The following TMEM209 variants were observed in gnomAD, a reference collection of about 807,000 sequenced individuals.
The protein encoded by TMEM209 is transmembrane protein 209.
In TMEM209, 65 loss-of-function variants were observed where a neutral mutation model predicts 76.2. The ratio of observed to expected loss-of-function variants is 0.85; its 90% CI spans 0.70 to 1.05. The LOEUF is 1.05. Among genes scored for constraint, TMEM209 ranks in the 50% least tolerant of loss-of-function variants. The pLI is 0.00. For missense variants in TMEM209, 623 were observed against 685.5 expected, an observed-to-expected ratio of 0.91 and a Z score of 1.02; for synonymous variants, 239 against 237.6, an observed-to-expected ratio of 1.01 and a Z score of -0.06.
chr7:130,196,191 T>A (rs533189918), intron 5 of TMEM209, among the ~76,000 whole-genome samples: 114 of 152,302 alleles, frequency 7.5e-4, no homozygotes, highest in Middle Eastern at 3.4e-3. Flanking sequence ...GTCTATAAAG[T>A]AACTGTTTCT....
intron 14 of TMEM209, among the ~76,000 whole-genome samples, chr7:130,169,804 G>C (rs1304691424): frequency 6.6e-6 from 1 of 151,790 alleles, no homozygotes; most frequent in Non-Finnish European, 1.5e-5. Flanking sequence ...CAGGTTTTCC[G>C]ACTCCCAGAT....
chr7:130,188,890 G>A (rs1324650334), intron 6 of TMEM209, among the ~76,000 whole-genome samples: 4 of 152,032 alleles, frequency 2.6e-5, no homozygotes, highest in African/African-American at 4.8e-5. Context: ...ATATTTAAAC[G>A]GAATCTAACA....
chr7:130,175,072 T>C (rs1480785168), intron 11 of TMEM209: 1 of 152,620 alleles, frequency 6.6e-6, no homozygotes, highest in Non-Finnish European at 1.5e-5. Flanking sequence ...CTGATACTAT[T>C]ATAAATACCT....
intron 8 of TMEM209, 27 bp from the exon 9 acceptor site, chr7:130,181,746 G>T: frequency 6.4e-7 from 1 of 1,560,416 alleles, no homozygotes. Context: ...ACAGATTTTG[G>T]ATACATAATT....
At chr7:130,176,974 C>T (rs1456129104) in intron 10 of TMEM209, among the ~76,000 whole-genome samples, 2 of 150,312 alleles carry the variant, frequency 1.3e-5, no homozygotes, top group East Asian at 2.0e-4. Context: ...CTATACACTC[C>T]TGCACTAGTG....
At chr7:130,185,119 A>G in intron 7 of TMEM209, 73 bp downstream of exon 7, 1 of 1,475,846 alleles carries the variant, frequency 6.8e-7, no homozygotes, top group Admixed American at 2.3e-5. Flanking sequence ...TACAGAAAAA[A>G]TGTTCCAGAA....
intron 14 of TMEM209, among the ~76,000 whole-genome samples, chr7:130,166,949 A>C (rs896625076): frequency 6.6e-6 from 1 of 152,170 alleles, no homozygotes. Context: ...AATACATTAA[A>C]TCCTACTACA....
chr7:130,187,113 C>A (rs1170741988), intron 6 of TMEM209, among the ~76,000 whole-genome samples: 1 of 151,742 alleles, frequency 6.6e-6, no homozygotes, highest in African/African-American at 2.4e-5. Context: ...TATGGTGGTG[C>A]ATGCCTGTAA....
chr7:130,196,998 A>C (rs1474750910), intron 5 of TMEM209, among the ~76,000 whole-genome samples: 1 of 152,188 alleles, frequency 6.6e-6, no homozygotes, highest in Admixed American at 6.5e-5. Flanking sequence ...AGGCTGAGGC[A>C]GGAAGATTGC....
intron 9 of TMEM209, among the ~76,000 whole-genome samples, chr7:130,181,092 A>G (rs538873832): frequency 6.6e-6 from 1 of 152,394 alleles, no homozygotes; most frequent in Admixed American, 6.5e-5. Flanking sequence ...GAATAAGCAA[A>G]GTGTAGTAGA....
chr7:130,194,352 G>T (rs897703484), intron 5 of TMEM209, among the ~76,000 whole-genome samples: 2 of 149,562 alleles, frequency 1.3e-5, no homozygotes, highest in African/African-American at 4.9e-5. Flanking sequence ...AAAAAAAAAG[G>T]TAACTCATGG....
rs758641858 is a variant in TMEM209 at position 130,189,290 on chromosome 7, G to A, written c.775+3332C>T. Among the ~76,000 whole-genome samples the A allele has an allele frequency of 5.3e-5, 8 of 151,780 alleles. No homozygotes were observed. In the East Asian group the frequency reaches 1.2e-3, roughly 22 times the overall value. On this transcript the variant is annotated intron_variant, in intron 6 of 14. Transcript: ENST00000397622. ...CGGTTCACTGCAACCTCCGCCTCCC[G>A]GATTCAAGCGATTCTCCTGCCCCAG...
chr7:130,170,672 C>G (rs927332769), intron 13 of TMEM209, among the ~76,000 whole-genome samples, 199 bp from the exon 14 acceptor site: 6 of 152,036 alleles, frequency 3.9e-5, no homozygotes, highest in Non-Finnish European at 8.8e-5. Context: ...AGAAAGGATA[C>G]ATGTCAAGGA....
At chr7:130,201,088 C>CAAAA (rs869309249) in intron 5 of TMEM209, among the ~76,000 whole-genome samples, 5 of 74,174 alleles carry the variant, frequency 6.7e-5, no homozygotes, top group East Asian at 3.7e-4. Flanking sequence ...GACTCTGTCT[C>CAAAA]AAAAAAAAAA....
chr7:130,203,879 C>T (rs201602190), intron 2 of TMEM209, 33 bp from the exon 3 acceptor site: 9 of 1,590,310 alleles, frequency 5.7e-6, no homozygotes, highest in Non-Finnish European at 7.7e-6. Flanking sequence ...TTCCAGTGAA[C>T]CTAAAAACAC....
chr7:130,169,728 GC>G (rs1019959915), intron 14 of TMEM209, among the ~76,000 whole-genome samples: 11 of 151,722 alleles, frequency 7.3e-5, no homozygotes, highest in Non-Finnish European at 1.2e-4. Flanking sequence ...TCTGCTCCAA[GC>G]CCATCCCCCC....
At chr7:130,205,010 ACGTGCATTGT>A in intron 1 of TMEM209, 1 of 1,192,866 alleles carries the variant, frequency 8.4e-7, no homozygotes, top group South Asian at 2.3e-5. Context: ...AGAGGGGAAA[ACGTGCATTGT>A]TTTGGTCCAC....
chr7:130,201,875 T>C lies in TMEM209; in HGVS notation c.548A>G (p.Tyr183Cys), dbSNP rs762862113. ...CTTATTATAACCACTGACGGGCGAG[T>C]AGGTCACTCCAGGGCTATAAGAACC... ...GSGSYSPGVT[Y>C]SPVSGYNKLA... The change falls in exon 5 of 15, where the codon TAC becomes TGC. Residue 183 changes from tyrosine to cysteine, a missense_variant. Tyr to Cys is a radical substitution (Grantham distance 194). Transcript: ENST00000397622. 1 of 1,613,770 alleles carries C rather than the reference T, an allele frequency of 6.2e-7. No homozygotes were observed. Among genetic ancestry groups the C allele is most frequent in the Non-Finnish European group, 8.5e-7 (1 of 1,179,826 alleles).
intron 5 of TMEM209, among the ~76,000 whole-genome samples, chr7:130,195,850 G>C (rs1026456103): frequency 5.3e-5 from 8 of 152,102 alleles, no homozygotes; most frequent in African/African-American, 1.9e-4. Flanking sequence ...TGAATACCAA[G>C]TATTTAGGCA....
Sources: allele counts gnomAD v4.1 joint callset (sites outside exome capture counted in the v4.1 genomes callset), GRCh38; gene constraint gnomAD v4.1.1; transcripts MANE v1.5; gene names NCBI Gene and HGNC (gene_info 2026-07-23, HGNC 2026-07-21).